ZC3H4: variants seen among roughly 807,000 people sequenced by gnomAD.
ZC3H4 encodes the protein zinc finger CCCH-type containing 4, also known as zinc finger CCCH domain-containing protein 4.
Under a neutral mutation model 108.3 loss-of-function variants are expected in ZC3H4, and 13 were observed. The observed-to-expected ratio is 0.12, with a 90% confidence interval of 0.08 to 0.19. The LOEUF (loss-of-function observed/expected upper bound fraction) is 0.19. Among genes scored for constraint, ZC3H4 ranks in the 10% least tolerant of loss-of-function variants. ZC3H4 has a pLI of 1.00. For synonymous variants in ZC3H4, 917 were observed against 749.6 expected, an observed-to-expected ratio of 1.22 and a Z score of -3.65; for missense variants, 1,734 against 1,838.8, an observed-to-expected ratio of 0.94 and a Z score of 1.04.
chr19:47,089,842 G>T, intron 5 of ZC3H4, 125 bp downstream of exon 5: 3 of 945,310 alleles, frequency 3.2e-6, no homozygotes, highest in Non-Finnish European at 4.8e-6. Context: ...GCAGAGCCTG[G>T]CCCTTCTTTG....
intron 4 of ZC3H4, among the ~76,000 whole-genome samples, chr19:47,091,138 G>C (rs1036070309): frequency 6.6e-5 from 10 of 152,198 alleles, no homozygotes; most frequent in African/African-American, 2.4e-4. Flanking sequence ...CCGAGTGTGG[G>C]GCAGGCACCT....
rs1453608336 is a variant in ZC3H4 at position 47,066,845 on chromosome 19, A to G, written c.3423T>C (p.Ser1141=). The change falls in exon 15 of 15, where the codon AGT becomes AGC. Residue 1141 remains serine (S), a synonymous_variant. Transcript: ENST00000253048. ...CGTAGAGGCTGATACCGCTCAGCAC[A>G]CTGCTCTGCCCGCCCCCTCCGCCCT... is the stretch of plus-strand genomic sequence containing the variant. ...LGQGGGGGQS[S]VLSGISLYDP... 1 of 1,599,274 alleles carries G rather than the reference A, an allele frequency of 6.3e-7. No homozygotes were observed. The highest frequency in any genetic ancestry group is 1.1e-5 in the South Asian group (1 of 90,836).
At chr19:47,112,173 A>C in intron 2 of ZC3H4, 1 of 1,160,424 alleles carries the variant, frequency 8.6e-7, no homozygotes, top group Non-Finnish European at 1.1e-6. Context: ...GCGCCCAAAA[A>C]AGACAGAGCG....
chr19:47,081,541 G>T lies in ZC3H4; in HGVS notation c.1412C>A (p.Thr471Asn). The change falls in exon 11 of 15, where the codon ACC becomes AAC. Residue 471 changes from threonine (T) to asparagine (N), a missense_variant. Around this residue, in one of 9 missense-constraint regions of ZC3H4, gnomAD observed 66 missense variants for 166.8 expected, o/e 0.40. Transcript: ENST00000253048. Reference protein sequence around the residue: ...DDCMFSHDPLTEETRELLDKM... With the variant: ...DDCMFSHDPLNEETRELLDKM... ...ATCCAAGAGCTCCCTCGTCTCTTCGGTCAGAGGGTCGTGGGAAAACATGCA... is the reference window on the plus strand; with the variant it reads ...ATCCAAGAGCTCCCTCGTCTCTTCGTTCAGAGGGTCGTGGGAAAACATGCA... 1 of 1,614,238 alleles carries T rather than the reference G, an allele frequency of 6.2e-7. No individual in the cohort carries two copies. The highest frequency in any genetic ancestry group is 1.1e-5 in the South Asian group (1 of 91,088).
chr19:47,074,656 C>T (rs957269177), intron 11 of ZC3H4, among the ~76,000 whole-genome samples: 1 of 152,218 alleles, frequency 6.6e-6, no homozygotes, highest in Non-Finnish European at 1.5e-5. Context: ...GTGCTGAATG[C>T]CTGCTTTGCC....
intron 11 of ZC3H4, among the ~76,000 whole-genome samples, chr19:47,078,449 C>A (rs2057461107): frequency 6.6e-6 from 1 of 150,440 alleles, no homozygotes; most frequent in Admixed American, 6.6e-5. Flanking sequence ...ACGCCCACTG[C>A]ACTCCAGCCT....
At chr19:47,086,977 TA>T (rs113670263) in intron 5 of ZC3H4, among the ~76,000 whole-genome samples, 7,143 of 140,544 alleles carry the variant, frequency 0.051, 331 homozygotes, top group African/African-American at 0.13. Flanking sequence ...AAGACTTAGT[TA>T]AAAAAAAAAA....
rs1476226806 is a variant in ZC3H4 at position 47,108,280 on chromosome 19, C to T, written c.161+4144G>A. Among the ~76,000 whole-genome samples the T allele has an allele frequency of 2.0e-5, 3 of 152,174 alleles. No homozygotes were observed. The East Asian group carries it at 5.8e-4, about 29-fold the overall frequency. ...TTGCTCTGGCACTAGAATTACTGTT[C>T]GTGGGGACCAAAATTAAGTTCTCTA... On this transcript the variant is annotated intron_variant, in intron 2 of 14. Coordinates refer to ENST00000253048, the MANE Select transcript of ZC3H4 (RefSeq NM_015168.2).
chr19:47,101,207 T>A (rs1387800070), intron 2 of ZC3H4, among the ~76,000 whole-genome samples: 1 of 151,644 alleles, frequency 6.6e-6, no homozygotes, highest in Non-Finnish European at 1.5e-5. Context: ...TGGCAGCATG[T>A]GCTTGTAGTC....
intron 13 of ZC3H4, among the ~76,000 whole-genome samples, chr19:47,070,567 AG>A (rs2057308670): frequency 6.6e-6 from 1 of 152,156 alleles, no homozygotes; most frequent in South Asian, 2.1e-4. Context: ...CATTTGTTGA[AG>A]GGGGAGGAGC....
At chr19:47,097,105 G>A (rs1457375209) in intron 2 of ZC3H4, 2 of 603,656 alleles carry the variant, frequency 3.3e-6, no homozygotes, top group Admixed American at 1.3e-4. Context: ...TTCTAGAAAG[G>A]AATCACCAAG....
At position 47,067,633 on chromosome 19, in the gene ZC3H4, C is replaced by A. The variant is rs781391829; in HGVS notation, c.2635G>T (p.Gly879Trp). 1.2e-6 allele frequency: 2 copies of A among 1,604,648 alleles called. No individual in the cohort carries two copies. Among genetic ancestry groups the A allele is most frequent in the Non-Finnish European group, 1.7e-6 (2 of 1,177,618 alleles). Residue 879 changes from glycine (G) to tryptophan (W), a missense_variant, in exon 15 of 15, where the codon GGG (glycine) becomes TGG (tryptophan). Coordinates refer to ENST00000253048, the MANE Select transcript of ZC3H4 (RefSeq NM_015168.2). This position sits in a 1 kb window ranked among gnomAD's most constrained non-coding sequence, Gnocchi z 6.4. ...GGTCCCGAATCACCTGGGCCAGACCCGCCAGAAGCCTCCACATGGCGGGTG... is the reference window on the plus strand; with the variant it reads ...GGTCCCGAATCACCTGGGCCAGACCAGCCAGAAGCCTCCACATGGCGGGTG... ...RLTRHVEASGGSGPGDSGPSD... is the reference protein window; with the variant it reads ...RLTRHVEASGWSGPGDSGPSD...
Position 47,067,229 on chromosome 19 carries a change from G to C in ZC3H4, c.3039C>G (p.His1013Gln). 6.2e-7 allele frequency: 1 copy of C among 1,606,584 alleles called. No individual in the cohort carries two copies. Among genetic ancestry groups the C allele is most frequent in the Non-Finnish European group, 8.5e-7 (1 of 1,176,704 alleles). Residue 1013 changes from histidine to glutamine, a missense_variant, in exon 15 of 15, where the codon CAC becomes CAG. By Grantham distance (24) the His-to-Gln change is conservative. Transcript: ENST00000253048. This position sits in a 1 kb window ranked among gnomAD's most constrained non-coding sequence, Gnocchi z 6.4. Reference protein sequence around the residue: ...QSMPTLDPRLHRAATAGPPNA... With the variant: ...QSMPTLDPRLQRAATAGPPNA... ...TGGGGGGCCCTGCCGTGGCAGCGCGGTGCAGCCGGGGGTCCAGGGTGGGCA... is the reference window on the plus strand; with the variant it reads ...TGGGGGGCCCTGCCGTGGCAGCGCGCTGCAGCCGGGGGTCCAGGGTGGGCA...
chr19:47,066,125 G>A lies in ZC3H4; in HGVS notation c.*231C>T, dbSNP rs903392161. ...GGGCATGAGTCGGTTTGCTCAGCAG[G>A]AGCCCCTGAGCCCGCCACACTGACC... On this transcript the variant is annotated 3_prime_UTR_variant, in exon 15 of 15. Coordinates refer to ENST00000253048, the MANE Select transcript of ZC3H4 (RefSeq NM_015168.2). 301 of 393,590 alleles carry A rather than the reference G, an allele frequency of 7.6e-4. 4 individuals carry two copies. Among genetic ancestry groups the A allele is most frequent in the Middle Eastern group, 6.7e-4 (1 of 1,500 alleles). The allele number at this position is 393,590 out of a possible 1,614,324, so 24.4% of individuals were successfully genotyped here.
chr19:47,067,009 C>T lies in ZC3H4; in HGVS notation c.3259G>A (p.Asp1087Asn). Residue 1087 changes from aspartate (D) to asparagine (N), a missense_variant, in exon 15 of 15, where the codon GAC (aspartate) becomes AAC (asparagine). By Grantham distance (23) the Asp-to-Asn change is conservative. This residue lies in a region of ZC3H4 where 518 missense variants were observed against 499.6 expected (regional missense o/e 1.04). Transcript: ENST00000253048. This position sits in a 1 kb window ranked among gnomAD's most constrained non-coding sequence, Gnocchi z 6.4. ...PTDPRLQKPTDSTASSRAAKP... is the reference protein window; with the variant it reads ...PTDPRLQKPTNSTASSRAAKP... ...GCAGCCCGGGAGGAGGCCGTAGAGT[C>T]TGTGGGTTTCTGCAGCCGAGGGTCG... is the stretch of plus-strand genomic sequence containing the variant. The T allele has an allele frequency of 4.4e-6, 7 of 1,596,274 alleles. No homozygotes were observed. The highest frequency in any genetic ancestry group is 5.1e-6 in the Non-Finnish European group (6 of 1,171,254).
chr19:47,087,969 C>T (rs566547527), intron 5 of ZC3H4, among the ~76,000 whole-genome samples: 1 of 151,214 alleles, frequency 6.6e-6, no homozygotes, highest in South Asian at 2.1e-4. Flanking sequence ...GTCAGGAGAT[C>T]GAGACCATCC....
At chr19:47,112,181 G>C in intron 2 of ZC3H4, 1 of 1,196,602 alleles carries the variant, frequency 8.4e-7, no homozygotes, top group Non-Finnish European at 1.0e-6. Context: ...AAAAGACAGA[G>C]CGAGAGCGAG....
chr19:47,088,355 G>C (rs530715710), intron 5 of ZC3H4, among the ~76,000 whole-genome samples: 1 of 151,118 alleles, frequency 6.6e-6, no homozygotes, highest in Non-Finnish European at 1.5e-5. Context: ...AGACCACCCT[G>C]GTCACCAACA....
intron 11 of ZC3H4, among the ~76,000 whole-genome samples, chr19:47,074,800 C>G (rs1056234257): frequency 6.6e-6 from 1 of 152,318 alleles, no homozygotes; most frequent in South Asian, 2.1e-4. Context: ...AGGAGGGCAG[C>G]GTGGCCCCTG....
Sources: gnomAD v4.1 joint callset for allele counts (sites outside exome capture counted in the v4.1 genomes callset) on GRCh38, gnomAD v4.1.1 for gene constraint, gnomAD v4.1.1 regional missense constraint, Gnocchi (gnomAD v3.1) non-coding constraint, MANE v1.5 for transcripts, NCBI Gene and HGNC (gene_info 2026-07-23, HGNC 2026-07-21) for gene names.